Variants in USP27X observed in about 807,000 individuals in gnomAD.
The protein encoded by USP27X is ubiquitin specific peptidase 27 X-linked.
For synonymous variants in USP27X, 109 were observed against 141.5 expected, an observed-to-expected ratio of 0.77 and a Z score of 1.63; for missense variants, 161 against 341.0, an observed-to-expected ratio of 0.47 and a Z score of 4.16.
In USP27X at chrX:49,880,976, A is replaced by G; in HGVS notation, c.669A>G (p.Ile223Met). ...CQACHGVSTT[I>M]DPCWDISLDL... Reference sequence around the variant, plus strand: ...CCTGCCATGGCGTCTCCACCACGATAGACCCATGCTGGGACATTAGTTTGG... The same window carrying G: ...CCTGCCATGGCGTCTCCACCACGATGGACCCATGCTGGGACATTAGTTTGG... Residue 223 changes from isoleucine (I) to methionine (M), a missense_variant, in exon 1 of 1, where the codon ATA (isoleucine) becomes ATG (methionine). Physicochemically the swap from Ile to Met is conservative, Grantham distance 10. Coordinates refer to ENST00000621775, the MANE Select transcript of USP27X (RefSeq NM_001145073.3). 8.3e-7 allele frequency: 1 copy of G among 1,205,914 alleles called. No homozygotes were observed. The highest frequency in any genetic ancestry group is 1.1e-6 in the Non-Finnish European group (1 of 892,310).
rs1416950328 is a variant in USP27X at position 49,879,596 on chromosome X, G to A, written c.-712G>A. 9.0e-6 allele frequency among the ~76,000 whole-genome samples: 1 copy of A among 110,757 alleles called. No homozygotes were observed. Among genetic ancestry groups the A allele is most frequent in the Non-Finnish European group, 1.9e-5 (1 of 52,595 alleles). On this transcript the variant is annotated 5_prime_UTR_variant, in exon 1 of 1. Transcript: ENST00000621775. Reference sequence around the variant, plus strand: ...TGGAGGGGAAGGCGGAGGCGGCGGGGAAGGCGGAGGCGGCGGGGAAGGTGG... The same window carrying A: ...TGGAGGGGAAGGCGGAGGCGGCGGGAAAGGCGGAGGCGGCGGGGAAGGTGG...
In USP27X at chrX:49,879,688, G is replaced by C. The variant is rs1924341807; in HGVS notation, c.-620G>C. On this transcript the variant is annotated 5_prime_UTR_variant, in exon 1 of 1. Coordinates refer to ENST00000621775, the MANE Select transcript of USP27X (RefSeq NM_001145073.3). ...GCTGGGAAGGTGGAGACGGCGGAGG[G>C]TCCGGGCCGCCGGGCTGAGCTCAAG... 9.0e-6 allele frequency among the ~76,000 whole-genome samples: 1 copy of C among 110,546 alleles called. No homozygotes were observed. The highest frequency in any genetic ancestry group is 1.9e-5 in the Non-Finnish European group (1 of 52,479).
In USP27X at chrX:49,879,800, T is replaced by A. The variant is rs1286878766; in HGVS notation, c.-508T>A. The stretch of plus-strand genomic sequence containing the variant: ...ATGAGAACCCAGCGCGGAGCGGCGG[T>A]GGCGGCAACAGCGACGAGGTTCCTC... On this transcript the variant is annotated 5_prime_UTR_variant, in exon 1 of 1. Coordinates refer to ENST00000621775, the MANE Select transcript of USP27X (RefSeq NM_001145073.3). The A allele has an allele frequency of 8.9e-6, 1 of 111,818 alleles. No individual in the cohort carries two copies. Among genetic ancestry groups the A allele is most frequent in the Non-Finnish European group, 1.9e-5 (1 of 52,893 alleles). 9.2% of individuals were successfully genotyped at this position (111,818 alleles called of 1,213,427 possible). A position where few individuals can be genotyped will look rare whatever the true frequency, so the allele number is the denominator to read the frequency against.
Position 49,881,665 on chromosome X carries a change from C to T in USP27X, c.*41C>T, listed in dbSNP as rs1924393424. The T allele has an allele frequency of 2.0e-5, 21 of 1,038,284 alleles. No individual in the cohort carries two copies. The South Asian group carries it at 4.9e-4, about 24-fold the overall frequency. The allele number at this position is 1,038,284 out of a possible 1,213,427, so 85.6% of individuals were successfully genotyped here. A position where few individuals can be genotyped will look rare whatever the true frequency, so the allele number is the denominator to read the frequency against. On this transcript the variant is annotated 3_prime_UTR_variant, in exon 1 of 1. Transcript: ENST00000621775. ...TACCTGCAATGGAAGATGACGACAC[C>T]AATACTACAACTGGCATCGAGATCT... is the stretch of plus-strand genomic sequence containing the variant.
rs1415028424 is a variant in USP27X, at chrX:49,882,199, A to C, written c.*575A>C. The C allele has an allele frequency of 8.2e-6, 1 of 122,142 alleles. No homozygotes were observed. The highest frequency in any genetic ancestry group is 1.9e-5 in the Non-Finnish European group (1 of 53,041). The allele number at this position is 122,142 out of a possible 1,213,427, so 10.1% of individuals were successfully genotyped here. ...TTAAATGCAGTATTAAAACAAGAAA[A>C]GCCCACCTGGGCTAGTGAAAGGAGA... On this transcript the variant is annotated 3_prime_UTR_variant, in exon 1 of 1. Coordinates refer to ENST00000621775, the MANE Select transcript of USP27X (RefSeq NM_001145073.3).
chrX:49,881,706 C>A lies in USP27X; in HGVS notation c.*82C>A. 1 of 824,689 alleles carries A rather than the reference C, an allele frequency of 1.2e-6. No individual in the cohort carries two copies. Among genetic ancestry groups the A allele is most frequent in the Non-Finnish European group, 1.7e-6 (1 of 585,872 alleles). 68.0% of individuals were successfully genotyped at this position (824,689 alleles called of 1,213,427 possible). ...ATCGAGATCTAAAGGACCTACTTGA[C>A]CATGGCCCATGGGCCTGACAGAGTA... On this transcript the variant is annotated 3_prime_UTR_variant, in exon 1 of 1. Coordinates refer to ENST00000621775, the MANE Select transcript of USP27X (RefSeq NM_001145073.3).
In USP27X at chrX:49,881,616, G is replaced by A. The variant is rs1393812280; in HGVS notation, c.1309G>A (p.Ala437Thr). 2.6e-6 allele frequency: 3 copies of A among 1,149,340 alleles called. No individual in the cohort carries two copies. The African/African-American group carries it at 5.4e-5, about 21-fold the overall frequency. 94.7% of individuals were successfully genotyped at this position (1,149,340 alleles called of 1,213,427 possible). A position where few individuals can be genotyped will look rare whatever the true frequency, so the allele number is the denominator to read the frequency against. ...SEKVKEMNTQ[A>T]Y The stretch of plus-strand genomic sequence containing the variant: ...AAAAGTGAAAGAAATGAACACACAA[G>A]CCTACTGAAGTGACACACAGACCTA... The change falls in exon 1 of 1, where the codon GCC becomes ACC. Residue 437 changes from alanine (A) to threonine (T), a missense_variant. Ala to Thr is a moderately conservative substitution (Grantham distance 58, BLOSUM62 0). Coordinates refer to ENST00000621775, the MANE Select transcript of USP27X (RefSeq NM_001145073.3).
Position 49,881,191 on chromosome X carries a change from A to G in USP27X, c.884A>G (p.Lys295Arg). 1 of 1,168,287 alleles carries G rather than the reference A, an allele frequency of 8.6e-7. No homozygotes were observed. Among genetic ancestry groups the G allele is most frequent in the Non-Finnish European group, 1.1e-6 (1 of 873,272 alleles). ...GSCQSYQESTKQLTMNKLPVV... is the reference protein window; with the variant it reads ...GSCQSYQESTRQLTMNKLPVV... ...TGCCAAAGCTACCAGGAATCTACCA[A>G]ACAGCTCACAATGAATAAATTACCT... The change falls in exon 1 of 1, where the codon AAA becomes AGA. Residue 295 changes from lysine to arginine, a missense_variant. Lys to Arg is a conservative substitution (Grantham distance 26, BLOSUM62 2). Transcript: ENST00000621775.
In USP27X at chrX:49,880,159, A is replaced by G. The variant is rs1924357193; in HGVS notation, c.-149A>G. The G allele has an allele frequency of 4.2e-6, 2 of 473,841 alleles. No homozygotes were observed. The highest frequency in any genetic ancestry group is 7.2e-6 in the Non-Finnish European group (2 of 278,922). 39.0% of individuals were successfully genotyped at this position (473,841 alleles called of 1,213,427 possible). A position where few individuals can be genotyped will look rare whatever the true frequency, so the allele number is the denominator to read the frequency against. On this transcript the variant is annotated 5_prime_UTR_variant, in exon 1 of 1. An upstream start codon of the reference 5' UTR is lost. Transcript: ENST00000621775. ...AGCAAGGCAAAGTCCTGCATCTGCCATGTGTGTGGCACCCATCTGAACAGA... is the reference window on the plus strand; with the variant it reads ...AGCAAGGCAAAGTCCTGCATCTGCCGTGTGTGTGGCACCCATCTGAACAGA...
Position 49,881,041 on chromosome X carries a change from C to A in USP27X, c.734C>A (p.Pro245Gln). Residue 245 changes from proline to glutamine, a missense_variant, in exon 1 of 1, where the codon CCA (proline) becomes CAA (glutamine). Pro to Gln is a moderately conservative substitution (Grantham distance 76). Transcript: ENST00000621775. ...GSCTSFWPMS[P>Q]GRESSVNGES... is the part of the protein sequence containing the mutation. ...TGCACCTCCTTCTGGCCCATGAGCC[C>A]AGGGAGGGAGAGCAGTGTGAACGGG... The A allele has an allele frequency of 8.5e-7, 1 of 1,183,185 alleles. No homozygotes were observed.
At position 49,879,688 on chromosome X, in the gene USP27X, G is replaced by A. The variant is rs1924341807; in HGVS notation, c.-620G>A. On this transcript the variant is annotated 5_prime_UTR_variant, in exon 1 of 1. Transcript: ENST00000621775. ...GCTGGGAAGGTGGAGACGGCGGAGG[G>A]TCCGGGCCGCCGGGCTGAGCTCAAG... Among the ~76,000 whole-genome samples the A allele has an allele frequency of 9.0e-6, 1 of 110,546 alleles. No individual in the cohort carries two copies. The highest frequency in any genetic ancestry group is 3.9e-4 in the South Asian group (1 of 2,543).
Position 49,882,160 on chromosome X carries a change from G to A in USP27X, c.*536G>A, listed in dbSNP as rs782515358. 3.7e-3 allele frequency: 455 copies of A among 122,156 alleles called. 2 individuals are homozygous for A. Among genetic ancestry groups the A allele is most frequent in the Non-Finnish European group, 6.9e-3 (368 of 53,108 alleles). 10.1% of individuals were successfully genotyped at this position (122,156 alleles called of 1,213,427 possible). On this transcript the variant is annotated 3_prime_UTR_variant, in exon 1 of 1. Transcript: ENST00000621775. ...CCTTTGCCAGTTTCTTTGTATTCGT[G>A]ATTTTTTGTGCTATTAAATGCAGTA... is the stretch of plus-strand genomic sequence containing the variant.
rs1199624114 is a variant in USP27X, at chrX:49,882,360, AAAAG to A, written c.*740_*743del. ...TGTGTGTGTTAAAAAAAAAAAAAAA[AAAAG>A]AAAAAAAAAAGCTGTATGATATACT... On this transcript the variant is annotated 3_prime_UTR_variant, in exon 1 of 1. Transcript: ENST00000621775. 16 of 120,426 alleles carry A rather than the reference AAAAG, an allele frequency of 1.3e-4. No individual in the cohort carries two copies. Among genetic ancestry groups the A allele is most frequent in the African/African-American group, 3.7e-4 (11 of 30,113 alleles). The allele number at this position is 120,426 out of a possible 1,213,427, so 9.9% of individuals were successfully genotyped here. A position where few individuals can be genotyped will look rare whatever the true frequency, so the allele number is the denominator to read the frequency against.
chrX:49,881,257 C>T lies in USP27X; in HGVS notation c.950C>T (p.Ala317Val), dbSNP rs1557162695. The change falls in exon 1 of 1, where the codon GCG (alanine) becomes GTG (valine). Residue 317 changes from alanine to valine, a missense_variant. Ala to Val is a moderately conservative substitution (Grantham distance 64). Coordinates refer to ENST00000621775, the MANE Select transcript of USP27X (RefSeq NM_001145073.3). ...CFHFKRFEHS[A>V]KQRRKITTYI... ...CATTTCAAACGGTTTGAACATTCAGCGAAACAGAGGCGCAAGATCACTACA... is the reference window on the plus strand; with the variant it reads ...CATTTCAAACGGTTTGAACATTCAGTGAAACAGAGGCGCAAGATCACTACA... 8 of 1,168,188 alleles carry T rather than the reference C, an allele frequency of 6.8e-6. No individual in the cohort carries two copies. Among genetic ancestry groups the T allele is most frequent in the Non-Finnish European group, 9.2e-6 (8 of 873,193 alleles).
rs1369284415 is a variant in USP27X at position 49,879,958 on chromosome X, C to CGCCCCG, written c.-335_-330dup. 48 of 116,745 alleles carry CGCCCCG rather than the reference C, an allele frequency of 4.1e-4. No homozygotes were observed. In the South Asian group the frequency reaches 5.6e-3, roughly 14 times the overall value. The allele number at this position is 116,745 out of a possible 1,213,427, so 9.6% of individuals were successfully genotyped here. ...CCGCCGCAGCCTAGGCCCCGGCCCC[C>CGCCCCG]GCCCCGGCCCCGGCCCCGGCGCGGC... On this transcript the variant is annotated 5_prime_UTR_variant, in exon 1 of 1. Transcript: ENST00000621775.
At position 49,881,079 on chromosome X, in the gene USP27X, C is replaced by T. The variant is rs782602873; in HGVS notation, c.772C>T (p.Pro258Ser). ...CAGTGTGAACGGGGAAAGCCACATA[C>T]CAGGAATCACCACCCTCACGGACTG... ...ESSVNGESHIPGITTLTDCLR... is the reference protein window; with the variant it reads ...ESSVNGESHISGITTLTDCLR... The change falls in exon 1 of 1, where the codon CCA (proline) becomes TCA (serine). Residue 258 changes from proline to serine, a missense_variant. Physicochemically the swap from Pro to Ser is moderately conservative, Grantham distance 74 (BLOSUM62 -1). Coordinates refer to ENST00000621775, the MANE Select transcript of USP27X (RefSeq NM_001145073.3). 3.3e-5 allele frequency: 38 copies of T among 1,168,648 alleles called. No homozygotes were observed. The highest frequency in any genetic ancestry group is 4.1e-5 in the Non-Finnish European group (36 of 874,082).
Position 49,881,267 on chromosome X carries a change from G to T in USP27X, c.960G>T (p.Arg320Ser). The T allele has an allele frequency of 8.6e-7, 1 of 1,168,663 alleles. No individual in the cohort carries two copies. The highest frequency in any genetic ancestry group is 1.1e-6 in the Non-Finnish European group (1 of 873,341). Residue 320 changes from arginine (R) to serine (S), a missense_variant, in exon 1 of 1, where the codon AGG (arginine) becomes AGT (serine). Transcript: ENST00000621775. ...FKRFEHSAKQ[R>S]RKITTYISFP... is the part of the protein sequence containing the mutation. ...GGTTTGAACATTCAGCGAAACAGAG[G>T]CGCAAGATCACTACATACATTTCCT...
Position 49,880,124 on chromosome X carries a change from G to A in USP27X, c.-184G>A, listed in dbSNP as rs1924356752. On this transcript the variant is annotated 5_prime_UTR_variant, in exon 1 of 1. Coordinates refer to ENST00000621775, the MANE Select transcript of USP27X (RefSeq NM_001145073.3). The stretch of plus-strand genomic sequence containing the variant: ...GCTTCGTGTGGTGTGGAACCCCAGA[G>A]ACCAGGAAAAGCAAGGCAAAGTCCT... 1 of 418,117 alleles carries A rather than the reference G, an allele frequency of 2.4e-6. No homozygotes were observed. Among genetic ancestry groups the A allele is most frequent in the Non-Finnish European group, 4.2e-6 (1 of 238,951 alleles). The allele number at this position is 418,117 out of a possible 1,213,427, so 34.5% of individuals were successfully genotyped here. A position where few individuals can be genotyped will look rare whatever the true frequency, so the allele number is the denominator to read the frequency against.
chrX:49,882,370 AAAAAG>A lies in USP27X; in HGVS notation c.*747_*751del, dbSNP rs1379198837. 8.2e-6 allele frequency: 1 copy of A among 121,311 alleles called. No individual in the cohort carries two copies. Among genetic ancestry groups the A allele is most frequent in the African/African-American group, 3.3e-5 (1 of 30,267 alleles). The allele number at this position is 121,311 out of a possible 1,213,427, so 10.0% of individuals were successfully genotyped here. On this transcript the variant is annotated 3_prime_UTR_variant, in exon 1 of 1. Coordinates refer to ENST00000621775, the MANE Select transcript of USP27X (RefSeq NM_001145073.3). ...AAAAAAAAAAAAAAAAAAAGAAAAA[AAAAAG>A]CTGTATGATATACTTGAGCAAATCA... is the stretch of plus-strand genomic sequence containing the variant.
Sources: gnomAD v4.1 joint callset for allele counts (sites outside exome capture counted in the v4.1 genomes callset) on GRCh38, gnomAD v4.1.1 for gene constraint, MANE v1.5 for transcripts, NCBI Gene and HGNC (gene_info 2026-07-23, HGNC 2026-07-21) for gene names.